PARD3B: variants seen among roughly 807,000 people sequenced by gnomAD.
PARD3B encodes par-3 family cell polarity regulator beta, also known as partitioning defective 3 homolog B.
In PARD3B, 103 loss-of-function variants were observed where a neutral mutation model predicts 130.2. The ratio of observed to expected loss-of-function variants is 0.79; its 90% confidence interval spans 0.67 to 0.93. PARD3B has a LOEUF of 0.93. Ranked by LOEUF, PARD3B falls within the 40% of genes least tolerant of loss-of-function variation. PARD3B has a pLI of 0.00. For synonymous variants in PARD3B, 583 were observed against 553.2 expected, an observed-to-expected ratio of 1.05 and a Z score of -0.76; for missense variants, 1,609 against 1,499.2, an observed-to-expected ratio of 1.07 and a Z score of -1.21.
At chr2:204,730,880 G>T (rs1559096635) in intron 2 of PARD3B, among the ~76,000 whole-genome samples, 1 of 152,196 alleles carries the variant, frequency 6.6e-6, no homozygotes, top group African/African-American at 2.4e-5. Context: ...TCTCTGCCAT[G>T]ATTTTTCTTT....
Position 205,229,409 on chromosome 2 carries a change from G to T in PARD3B, c.2141-16369G>T, listed in dbSNP as rs2038721470. On this transcript the variant is annotated intron_variant, in intron 15 of 22. Coordinates refer to ENST00000406610, the MANE Select transcript of PARD3B (RefSeq NM_001302769.2). The surrounding 1 kb of genome is among the most constrained non-coding windows in gnomAD (Gnocchi z 5.2). ...CTGTGACTCTTACAGACTTGTAGAG[G>T]TGCCATGTTGGTGGTCTTGGATAAG... Among the ~76,000 whole-genome samples, 1 of 152,208 alleles carries T rather than the reference G, an allele frequency of 6.6e-6. No individual in the cohort carries two copies. Among genetic ancestry groups the T allele is most frequent in the South Asian group, 2.1e-4 (1 of 4,834 alleles).
Position 205,299,420 on chromosome 2 carries a change from A to G in PARD3B, c.2186-1110A>G, listed in dbSNP as rs528207556. On this transcript the variant is annotated intron_variant, in intron 16 of 22. Coordinates refer to ENST00000406610, the MANE Select transcript of PARD3B (RefSeq NM_001302769.2). ...CACAGTCGTTTTTTCCCAGAAATGCAAGTAGACTTCATGACAGTAGTCTCC... is the reference window on the plus strand; with the variant it reads ...CACAGTCGTTTTTTCCCAGAAATGCGAGTAGACTTCATGACAGTAGTCTCC... Among the ~76,000 whole-genome samples the G allele has an allele frequency of 3.3e-5, 5 of 152,264 alleles. No individual in the cohort carries two copies. The South Asian group carries it at 1.0e-3, about 32-fold the overall frequency.
chr2:205,451,218 C>A (rs973154008), intron 20 of PARD3B, among the ~76,000 whole-genome samples: 6 of 152,186 alleles, frequency 3.9e-5, no homozygotes, highest in African/African-American at 1.4e-4. Context: ...GTTTCATGTC[C>A]ACCTTCCAGG....
At chr2:205,098,645 G>A (rs1451455054) in intron 4 of PARD3B, among the ~76,000 whole-genome samples, 1 of 152,076 alleles carries the variant, frequency 6.6e-6, no homozygotes, top group Non-Finnish European at 1.5e-5. Flanking sequence ...TATGAAATCA[G>A]TGACTGGTAC....
intron 2 of PARD3B, among the ~76,000 whole-genome samples, chr2:204,778,527 G>T (rs745497658): frequency 2.0e-5 from 3 of 150,650 alleles, no homozygotes; most frequent in Non-Finnish European, 4.4e-5. Context: ...TTGCCAGGTG[G>T]TTGTACATGG....
At position 204,724,163 on chromosome 2, in the gene PARD3B, C is replaced by T. The variant is rs370630376; in HGVS notation, c.222+37881C>T. Reference sequence around the variant, plus strand: ...TTTCTTAATATTCTCTTGCCATTCACCTTAAAAAAGCAGTAGATATAGTTG... The same window carrying T: ...TTTCTTAATATTCTCTTGCCATTCATCTTAAAAAAGCAGTAGATATAGTTG... On this transcript the variant is annotated intron_variant, in intron 2 of 22. Transcript: ENST00000406610. 1.9e-4 allele frequency among the ~76,000 whole-genome samples: 29 copies of T among 152,174 alleles called. No individual in the cohort carries two copies. In the East Asian group the frequency reaches 5.0e-3, roughly 26 times the overall value.
intron 19 of PARD3B, among the ~76,000 whole-genome samples, chr2:205,411,397 A>T (rs1203692304): frequency 3.3e-5 from 5 of 152,210 alleles, no homozygotes. Context: ...ATGCATGGCC[A>T]AATGGAAAGA....
At chr2:204,571,775 A>G (rs560167206) in intron 1 of PARD3B, among the ~76,000 whole-genome samples, 1 of 152,372 alleles carries the variant, frequency 6.6e-6, no homozygotes, top group Non-Finnish European at 1.5e-5. Flanking sequence ...AAGTTAGAGC[A>G]TAAACTTTAG....
At chr2:204,738,928 A>G (rs1196896137) in intron 2 of PARD3B, among the ~76,000 whole-genome samples, 1 of 152,206 alleles carries the variant, frequency 6.6e-6, no homozygotes, top group Non-Finnish European at 1.5e-5. Context: ...TATAACATAA[A>G]ATAATTCCAG....
At chr2:204,826,685 AAGT>A (rs2043591112) in intron 2 of PARD3B, among the ~76,000 whole-genome samples, 3 of 152,292 alleles carry the variant, frequency 2.0e-5, no homozygotes, top group Non-Finnish European at 4.4e-5. Flanking sequence ...TGAAAACAAA[AAGT>A]AGTATCACAT....
intron 4 of PARD3B, among the ~76,000 whole-genome samples, chr2:205,068,583 T>A (rs116182400): frequency 1.9e-3 from 5 of 2,654 alleles, no homozygotes; most frequent in Non-Finnish European, 4.7e-3. Context: ...ATGAAGTTAT[T>A]TTTTTTTTTA....
intron 2 of PARD3B, among the ~76,000 whole-genome samples, chr2:204,810,297 A>G (rs755568512): frequency 9.2e-5 from 14 of 152,184 alleles, no homozygotes; most frequent in Non-Finnish European, 1.6e-4. Context: ...TAGGCATGAT[A>G]AGATAGGGCA....
At chr2:205,497,696 A>G (rs2049987317) in intron 20 of PARD3B, among the ~76,000 whole-genome samples, 1 of 152,002 alleles carries the variant, frequency 6.6e-6, no homozygotes, top group East Asian at 1.9e-4. Context: ...AAGATACAGC[A>G]TGTTTTACAC....
chr2:204,943,266 T>A lies in PARD3B; in HGVS notation c.223-21886T>A, dbSNP rs546239918. 6.6e-6 allele frequency among the ~76,000 whole-genome samples: 1 copy of A among 152,142 alleles called. No homozygotes were observed. Among genetic ancestry groups the A allele is most frequent in the African/African-American group, 2.4e-5 (1 of 41,504 alleles). The stretch of plus-strand genomic sequence containing the variant: ...TCTCTGCTTTTCTCAAACCTAATTA[T>A]TTTCTCTCCTAAAAGGACGGTGACT... On this transcript the variant is annotated intron_variant, in intron 2 of 22. Coordinates refer to ENST00000406610, the MANE Select transcript of PARD3B (RefSeq NM_001302769.2). This position sits in a 1 kb window ranked among gnomAD's most constrained non-coding sequence, Gnocchi z 4.2.
intron 2 of PARD3B, among the ~76,000 whole-genome samples, chr2:204,795,450 G>T (rs189857458): frequency 6.6e-6 from 1 of 152,264 alleles, no homozygotes; most frequent in Admixed American, 6.5e-5. Flanking sequence ...GGCTTATTTG[G>T]AACAATCAAA....
At chr2:205,509,239 A>ATG (rs2050497285) in intron 21 of PARD3B, among the ~76,000 whole-genome samples, 1 of 152,164 alleles carries the variant, frequency 6.6e-6, no homozygotes, top group South Asian at 2.1e-4. Flanking sequence ...AAATATATAT[A>ATG]TATTGTTTGT....
intron 1 of PARD3B, among the ~76,000 whole-genome samples, chr2:204,579,264 G>A (rs1041464092): frequency 6.6e-6 from 1 of 152,014 alleles, no homozygotes; most frequent in Non-Finnish European, 1.5e-5. Flanking sequence ...ATCTCATGGG[G>A]TTGGTATTAT....
At chr2:205,202,296 T>G (rs2037038253) in intron 15 of PARD3B, among the ~76,000 whole-genome samples, 1 of 152,128 alleles carries the variant, frequency 6.6e-6, no homozygotes, top group Non-Finnish European at 1.5e-5. Flanking sequence ...AAATAACCAT[T>G]TGAGTTGGAA....
At chr2:205,129,378 C>G (rs1363805269) in intron 10 of PARD3B, among the ~76,000 whole-genome samples, 1 of 152,206 alleles carries the variant, frequency 6.6e-6, no homozygotes, top group Non-Finnish European at 1.5e-5. Flanking sequence ...GTGGGAATTA[C>G]TTCATAGTGT....
Sources: allele counts gnomAD v4.1 joint callset (sites outside exome capture counted in the v4.1 genomes callset), GRCh38; gene constraint gnomAD v4.1.1; non-coding constraint Gnocchi (gnomAD v3.1); transcripts MANE v1.5; gene names NCBI Gene and HGNC (gene_info 2026-07-23, HGNC 2026-07-21).